Variants in ABI3BP observed in about 807,000 individuals in gnomAD.
ABI3BP encodes ABI family member 3 binding protein.
Under a neutral mutation model 268.6 loss-of-function variants are expected in ABI3BP, and 216 were observed. The ratio of observed to expected loss-of-function variants is 0.80; its 90% CI spans 0.72 to 0.90. The LOEUF is 0.90. Ranked by LOEUF, ABI3BP falls within the 40% of genes least tolerant of loss-of-function variation. The probability of loss-of-function intolerance (pLI) is 0.00; values close to 1 mark genes in which losing one functional copy is unlikely to be tolerated. For synonymous variants in ABI3BP, 730 were observed against 730.0 expected, an observed-to-expected ratio of 1.00 and a Z score of 0.00; for missense variants, 2,090 against 2,182.4, an observed-to-expected ratio of 0.96 and a Z score of 0.84.
At chr3:100,800,314 C>T (rs1039561631) in intron 51 of ABI3BP, among the ~76,000 whole-genome samples, 4 of 150,858 alleles carry the variant, frequency 2.7e-5, no homozygotes, top group Non-Finnish European at 5.9e-5. Context: ...CAAAAAGAAA[C>T]ACACACAATT....
intron 4 of ABI3BP, among the ~76,000 whole-genome samples, chr3:100,897,807 G>A (rs931785371): frequency 1.3e-5 from 2 of 152,006 alleles, no homozygotes; most frequent in African/African-American, 4.8e-5. Context: ...TATTCAAAAA[G>A]GAATAAGAAA....
chr3:100,844,231 G>C (rs75190523), intron 20 of ABI3BP: 48,936 of 985,274 alleles, frequency 0.05, 1,273 homozygotes, highest in Non-Finnish European at 0.052. Context: ...TTCTATCCAC[G>C]TTGGAAGACG....
chr3:100,776,259 G>T (rs1042152933), intron 59 of ABI3BP, among the ~76,000 whole-genome samples: 22 of 152,176 alleles, frequency 1.4e-4, no homozygotes, highest in African/African-American at 5.1e-4. Flanking sequence ...CTATGACCCA[G>T]CATGGAATCA....
chr3:100,844,064 C>G, intron 20 of ABI3BP: 1 of 981,656 alleles, frequency 1.0e-6, no homozygotes, highest in Non-Finnish European at 1.2e-6. Flanking sequence ...TATCTTCTGA[C>G]ACGCCTTCTA....
At chr3:100,791,812 A>G (rs1249275071) in intron 55 of ABI3BP, among the ~76,000 whole-genome samples, 1 of 151,884 alleles carries the variant, frequency 6.6e-6, no homozygotes, top group African/African-American at 2.4e-5. Flanking sequence ...TGTAATAAAT[A>G]TTGCCCCAGT....
At chr3:100,860,543 T>A (rs966157971) in intron 14 of ABI3BP, among the ~76,000 whole-genome samples, 3 of 152,226 alleles carry the variant, frequency 2.0e-5, no homozygotes, top group African/African-American at 7.2e-5. Flanking sequence ...TTATTGGCAT[T>A]TCCGATATCA....
At chr3:100,895,814 A>G (rs920970217) in intron 4 of ABI3BP, among the ~76,000 whole-genome samples, 1 of 152,228 alleles carries the variant, frequency 6.6e-6, no homozygotes. Context: ...AGATTTCTCC[A>G]AGTCTAGTCT....
Position 100,849,152 on chromosome 3 carries a change from G to T in ABI3BP, c.1502-277C>A, listed in dbSNP as rs2098809986. On this transcript the variant is annotated intron_variant, in intron 17 of 67. Coordinates refer to ENST00000471714, the MANE Select transcript of ABI3BP (RefSeq NM_001375547.2). Reference sequence around the variant, plus strand: ...CCCTTGAGGCATTTCAGAACACAAGGTACAATTAAGAACTCAAAAGGATGA... The same window carrying T: ...CCCTTGAGGCATTTCAGAACACAAGTTACAATTAAGAACTCAAAAGGATGA... 2.0e-5 allele frequency among the ~76,000 whole-genome samples: 3 copies of T among 151,576 alleles called. No homozygotes were observed. In the South Asian group the frequency reaches 6.2e-4, roughly 32 times the overall value.
chr3:100,885,725 T>C (rs1470353327), intron 5 of ABI3BP, 137 bp from the exon 6 acceptor site: 1 of 536,546 alleles, frequency 1.9e-6, no homozygotes, highest in African/African-American at 1.9e-5. Context: ...TTTTAAACAC[T>C]GATGCCAATG....
In ABI3BP at chr3:100,865,501, C is replaced by G. The variant is rs574033721; in HGVS notation, c.989-594G>C. Among the ~76,000 whole-genome samples, 6 of 152,258 alleles carry G rather than the reference C, an allele frequency of 3.9e-5. 1 individual carries two copies. The East Asian group carries it at 1.2e-3, about 29-fold the overall frequency. On this transcript the variant is annotated intron_variant, in intron 10 of 67. Transcript: ENST00000471714. ...GCTAGATTAAAGGTAATAAAAAGCT[C>G]AATTAAAAAGCTCACACTCCTTCCC...
chr3:100,877,199 C>T (rs1436436546), intron 6 of ABI3BP, among the ~76,000 whole-genome samples: 4 of 152,116 alleles, frequency 2.6e-5, no homozygotes, highest in Admixed American at 6.5e-5. Context: ...GATATGACAC[C>T]GCCAAATTGT....
intron 1 of ABI3BP, among the ~76,000 whole-genome samples, chr3:100,958,466 A>T (rs112507710): frequency 6.8e-4 from 103 of 152,352 alleles, no homozygotes; most frequent in Non-Finnish European, 1.3e-3. Flanking sequence ...TAATGTATAC[A>T]TTGGGAAAAC....
intron 17 of ABI3BP, among the ~76,000 whole-genome samples, chr3:100,849,291 C>T (rs191249570): frequency 6.8e-5 from 10 of 147,516 alleles, no homozygotes; most frequent in African/African-American, 2.5e-4. Flanking sequence ...CGTGGCGCAA[C>T]CTTGGCTCAC....
intron 2 of ABI3BP, among the ~76,000 whole-genome samples, chr3:100,905,177 C>T (rs35090886): frequency 0.11 from 17,305 of 151,942 alleles, 1,171 homozygotes; most frequent in Non-Finnish European, 0.15. Context: ...AACCAAACAC[C>T]GCATGTTCTC....
chr3:100,813,098 C>T (rs2097905488), intron 45 of ABI3BP, among the ~76,000 whole-genome samples: 1 of 152,122 alleles, frequency 6.6e-6, no homozygotes, highest in African/African-American at 2.4e-5. Context: ...CAAGGCTGGT[C>T]ATAAAATTCT....
At chr3:100,937,706 T>C (rs1394200578) in intron 1 of ABI3BP, among the ~76,000 whole-genome samples, 1 of 152,048 alleles carries the variant, frequency 6.6e-6, no homozygotes, top group Non-Finnish European at 1.5e-5. Context: ...CAAGTCCTTT[T>C]CAGGAATTAT....
At chr3:100,876,787 C>T (rs534515991) in intron 6 of ABI3BP, among the ~76,000 whole-genome samples, 5 of 151,006 alleles carry the variant, frequency 3.3e-5, no homozygotes, top group African/African-American at 4.9e-5. Context: ...CGAGACCAGC[C>T]TGGCCAACAT....
chr3:100,835,565 A>T (rs576847547), intron 28 of ABI3BP, 36 bp downstream of exon 28: 1,326 of 1,487,438 alleles, frequency 8.9e-4, no homozygotes, highest in Non-Finnish European at 1.1e-3. Context: ...CAATGAGCAG[A>T]AAAAACTCAT....
chr3:100,970,046 A>C (rs2576368), intron 1 of ABI3BP, among the ~76,000 whole-genome samples: 45,143 of 151,910 alleles, frequency 0.3, 7,019 homozygotes, highest in East Asian at 0.46. Flanking sequence ...GGTCTAGCCT[A>C]ACCTTGGTCA....
Sources: allele counts gnomAD v4.1 joint callset (sites outside exome capture counted in the v4.1 genomes callset), GRCh38; gene constraint gnomAD v4.1.1; transcripts MANE v1.5; gene names NCBI Gene and HGNC (gene_info 2026-07-23, HGNC 2026-07-21).